The following SV2C variants were observed in gnomAD, a reference collection of about 807,000 sequenced individuals.
The protein encoded by SV2C is solute carrier family 22 member B3.
Under a neutral mutation model 79.7 loss-of-function variants are expected in SV2C, and 49 were observed. The observed-to-expected ratio is 0.61, with a 90% confidence interval of 0.49 to 0.78. The LOEUF (loss-of-function observed/expected upper bound fraction) is 0.78, where lower values mean the gene tolerates loss of function less well. Among genes scored for constraint, SV2C ranks in the 30% least tolerant of loss-of-function variants. The pLI, the probability that SV2C is intolerant of heterozygous loss-of-function variation, is 0.00. For missense variants in SV2C, 833 were observed against 912.9 expected, an observed-to-expected ratio of 0.91 and a Z score of 1.13; for synonymous variants, 334 against 333.2, an observed-to-expected ratio of 1.00 and a Z score of -0.03.
At chr5:75,924,724 A>G in the SV2C span, among the ~76,000 whole-genome samples, 1 of 151,990 alleles carries the variant, frequency 6.6e-6, no homozygotes, top group Non-Finnish European at 1.5e-5. Flanking sequence ...GTCTGGAGGA[A>G]ATTAAAATTA....
At chr5:76,307,376 T>C (rs1407131558) in intron 12 of SV2C, among the ~76,000 whole-genome samples, 2 of 152,188 alleles carry the variant, frequency 1.3e-5, no homozygotes, top group African/African-American at 4.8e-5. Context: ...CCTTTCAAAG[T>C]CCCTTTCTGT....
intron 1 of SV2C, among the ~76,000 whole-genome samples, chr5:76,088,405 T>A (rs1327979707): frequency 6.6e-6 from 1 of 152,212 alleles, no homozygotes; most frequent in East Asian, 1.9e-4. Flanking sequence ...GGAAATTTAT[T>A]GCTCACAATT....
At chr5:76,185,216 C>T (rs1047554557) in intron 2 of SV2C, among the ~76,000 whole-genome samples, 2 of 152,232 alleles carry the variant, frequency 1.3e-5, no homozygotes, top group African/African-American at 2.4e-5. Flanking sequence ...CAGCTCTGCC[C>T]CTGTGGCTTT....
At chr5:76,012,027 G>A in the SV2C span, among the ~76,000 whole-genome samples, 1 of 152,092 alleles carries the variant, frequency 6.6e-6, no homozygotes, top group Non-Finnish European at 1.5e-5. Flanking sequence ...CATTTGGGTT[G>A]GTTCCAAGTC....
At chr5:75,961,080 A>T in the SV2C span, among the ~76,000 whole-genome samples, 1 of 152,046 alleles carries the variant, frequency 6.6e-6, no homozygotes, top group South Asian at 2.1e-4. Flanking sequence ...AAAATTATAC[A>T]TTAAGTGATC....
At chr5:76,229,098 C>T (rs914523330) in intron 4 of SV2C, among the ~76,000 whole-genome samples, 2 of 152,204 alleles carry the variant, frequency 1.3e-5, no homozygotes, top group African/African-American at 4.8e-5. Flanking sequence ...GCTGAGAAAG[C>T]AGGGAAATTT....
At chr5:76,105,336 G>A (rs997716662) in intron 1 of SV2C, among the ~76,000 whole-genome samples, 1 of 152,138 alleles carries the variant, frequency 6.6e-6, no homozygotes, top group African/African-American at 2.4e-5. Flanking sequence ...TAAGTCATGA[G>A]GATTGTGGTA....
chr5:75,948,733 G>A, the SV2C span, among the ~76,000 whole-genome samples: 1 of 151,984 alleles, frequency 6.6e-6, no homozygotes, highest in African/African-American at 2.4e-5. Context: ...CTGAGTATGC[G>A]TGGTATGTTC....
chr5:76,224,731 C>T (rs1016953699), intron 4 of SV2C, among the ~76,000 whole-genome samples: 1 of 151,998 alleles, frequency 6.6e-6, no homozygotes, highest in African/African-American at 2.4e-5. Flanking sequence ...GAGTGGGGTC[C>T]CCAGAAGGAG....
At chr5:76,226,326 C>G (rs2112388883) in intron 4 of SV2C, among the ~76,000 whole-genome samples, 1 of 151,978 alleles carries the variant, frequency 6.6e-6, no homozygotes, top group African/African-American at 2.4e-5. Context: ...ATGAAGCTGG[C>G]AGAAAAGGGA....
intron 12 of SV2C, among the ~76,000 whole-genome samples, chr5:76,342,753 G>A (rs1453233256): frequency 1.3e-5 from 2 of 152,184 alleles, no homozygotes; most frequent in Non-Finnish European, 2.9e-5. Context: ...ACTTATTTGG[G>A]ATATTCTTGT....
At chr5:75,981,289 T>A in the SV2C span, among the ~76,000 whole-genome samples, 1 of 152,218 alleles carries the variant, frequency 6.6e-6, no homozygotes, top group Non-Finnish European at 1.5e-5. Flanking sequence ...ATGTCTATAC[T>A]GCCCAAAGCA....
At chr5:76,117,912 G>A (rs886528578) in intron 1 of SV2C, among the ~76,000 whole-genome samples, 3 of 152,114 alleles carry the variant, frequency 2.0e-5, no homozygotes, top group Non-Finnish European at 4.4e-5. Context: ...GCTTTTCACA[G>A]TGAAAAACAC....
chr5:75,909,438 GCA>G, the SV2C span, among the ~76,000 whole-genome samples: 1 of 152,202 alleles, frequency 6.6e-6, no homozygotes, highest in Non-Finnish European at 1.5e-5. Context: ...TAGCTGCTGG[GCA>G]CACACTTTTA....
chr5:76,156,696 C>T (rs1038799037), intron 2 of SV2C, among the ~76,000 whole-genome samples: 12 of 151,958 alleles, frequency 7.9e-5, no homozygotes, highest in Non-Finnish European at 1.6e-4. Flanking sequence ...TGTCATATCA[C>T]ACAGAGAATA....
the SV2C span, among the ~76,000 whole-genome samples, chr5:76,004,596 C>G: frequency 6.6e-6 from 1 of 152,010 alleles, no homozygotes; most frequent in Non-Finnish European, 1.5e-5. Context: ...AAAAAGGATC[C>G]TTATCTGGCA....
Position 76,224,848 on chromosome 5 carries a change from A to AT in SV2C, c.913+14968dup, listed in dbSNP as rs575015455. Among the ~76,000 whole-genome samples, 82 of 152,218 alleles carry AT rather than the reference A, an allele frequency of 5.4e-4. 1 individual carries two copies. Among genetic ancestry groups the AT allele is most frequent in the African/African-American group, 1.7e-3 (72 of 41,536 alleles). On this transcript the variant is annotated intron_variant, in intron 4 of 12. Transcript: ENST00000502798. ...ATTTGCAAGGACTAAGCCAAACTTT[A>AT]TTTTTTTACATAACCTACCATCAGA...
In SV2C at chr5:76,327,466, G is replaced by A. The variant is rs1246482953; in HGVS notation, c.*1919G>A. 1.3e-5 allele frequency: 2 copies of A among 152,136 alleles called. No individual in the cohort carries two copies. Among genetic ancestry groups the A allele is most frequent in the Non-Finnish European group, 2.9e-5 (2 of 68,030 alleles). The allele number at this position is 152,136 out of a possible 1,614,324, so 9.4% of individuals were successfully genotyped here. Reference sequence around the variant, plus strand: ...CACTTCTGCCTCCTATCATTTTATTGGAGAACAAAGACAGCAGTCAAACAA... The same window carrying A: ...CACTTCTGCCTCCTATCATTTTATTAGAGAACAAAGACAGCAGTCAAACAA... On this transcript the variant is annotated 3_prime_UTR_variant, in exon 13 of 13. Transcript: ENST00000502798.
the SV2C span, among the ~76,000 whole-genome samples, chr5:75,873,925 C>T: frequency 2.0e-5 from 3 of 151,974 alleles, no homozygotes; most frequent in Admixed American, 6.6e-5. Flanking sequence ...AGCCTACCAA[C>T]CAAAAAAAGC....
Sources: gnomAD v4.1 joint callset for allele counts (sites outside exome capture counted in the v4.1 genomes callset) on GRCh38, gnomAD v4.1.1 for gene constraint, MANE v1.5 for transcripts, NCBI Gene and HGNC (gene_info 2026-07-23, HGNC 2026-07-21) for gene names.